Variants in SNX29 observed in about 807,000 individuals in gnomAD.
SNX29 encodes the protein sorting nexin 29.
SNX29 carries 78 observed loss-of-function variants against 102.1 expected under a neutral mutation model. The observed-to-expected ratio is 0.76, with a 90% CI of 0.64 to 0.92. The LOEUF (loss-of-function observed/expected upper bound fraction) is 0.92, where lower values mean the gene tolerates loss of function less well. Ranked by LOEUF, SNX29 falls within the 40% of genes least tolerant of loss-of-function variation. The pLI, the probability that SNX29 is intolerant of heterozygous loss-of-function variation, is 0.00. For synonymous variants in SNX29, 580 were observed against 414.5 expected, an observed-to-expected ratio of 1.40 and a Z score of -4.85; for missense variants, 1,280 against 1,061.7, an observed-to-expected ratio of 1.21 and a Z score of -2.86.
rs569788235 is a variant in SNX29, at chr16:12,196,317, C to G, written c.1596-3284C>G. Among the ~76,000 whole-genome samples, 46 of 152,254 alleles carry G rather than the reference C, an allele frequency of 3.0e-4. 2 individuals are homozygous for G. The South Asian group carries it at 9.3e-3, about 31-fold the overall frequency. ...GTAAGAAAAATGGCAGCAATAATAACCTGTTTTGTAGGGTTACTGTGTAGA... is the reference window on the plus strand; with the variant it reads ...GTAAGAAAAATGGCAGCAATAATAAGCTGTTTTGTAGGGTTACTGTGTAGA... On this transcript the variant is annotated intron_variant, in intron 13 of 20. Transcript: ENST00000566228.
At chr16:12,403,625 A>G (rs2151513840) in intron 18 of SNX29, 96 bp downstream of exon 18, 9 of 1,195,020 alleles carry the variant, frequency 7.5e-6, no homozygotes, top group Non-Finnish European at 1.1e-5. Context: ...GTGGGGCGCT[A>G]TGATTAGGAG....
intron 9 of SNX29, among the ~76,000 whole-genome samples, chr16:12,065,782 A>C (rs1260188862): frequency 6.6e-6 from 1 of 152,094 alleles, no homozygotes; most frequent in African/African-American, 2.4e-5. Context: ...CAGTCTTCCC[A>C]CTGGATCACT....
intron 20 of SNX29, among the ~76,000 whole-genome samples, chr16:12,534,256 C>T (rs1396681605): frequency 2.6e-5 from 4 of 152,226 alleles, no homozygotes; most frequent in Non-Finnish European, 5.9e-5. Flanking sequence ...GCTCAGTGCC[C>T]AAGCACCGCC....
At chr16:12,321,909 G>A (rs1277480149) in intron 15 of SNX29, among the ~76,000 whole-genome samples, 1 of 152,186 alleles carries the variant, frequency 6.6e-6, no homozygotes, top group East Asian at 1.9e-4. Context: ...CAGCGTGGAT[G>A]AGCTTTGGGA....
Position 12,402,944 on chromosome 16 carries a change from G to A in SNX29, c.1956-504G>A, listed in dbSNP as rs76017500. ...CCATGAGTGTTGGTCTCCTGAGCTC[G>A]TTTGTGGAGTCTGATCTTAAAATGG... On this transcript the variant is annotated intron_variant, in intron 17 of 20. Transcript: ENST00000566228. Among the ~76,000 whole-genome samples the A allele has an allele frequency of 6.1e-3, 934 of 152,222 alleles. 7 individuals carry two copies. Among genetic ancestry groups the A allele is most frequent in the Non-Finnish European group, 8.3e-3 (566 of 68,030 alleles).
At chr16:12,177,270 G>C (rs2076281632) in intron 13 of SNX29, among the ~76,000 whole-genome samples, 1 of 152,134 alleles carries the variant, frequency 6.6e-6, no homozygotes, top group South Asian at 2.1e-4. Context: ...GTTTTTCTCT[G>C]TTTTACTTCT....
At chr16:12,041,849 G>A (rs188809668) in intron 4 of SNX29, among the ~76,000 whole-genome samples, 45 of 152,276 alleles carry the variant, frequency 3.0e-4, no homozygotes, top group African/African-American at 8.9e-4. Context: ...AGCTTAGGAC[G>A]TCGATATGTT....
intron 16 of SNX29, among the ~76,000 whole-genome samples, chr16:12,394,272 G>A (rs1218449088): frequency 6.6e-6 from 1 of 152,066 alleles, no homozygotes; most frequent in Non-Finnish European, 1.5e-5. Context: ...ATGAATTTGG[G>A]TTACTTGATC....
intron 8 of SNX29, 85 bp from the exon 9 acceptor site, chr16:12,061,443 A>T: frequency 8.7e-7 from 1 of 1,144,616 alleles, no homozygotes; most frequent in Non-Finnish European, 1.3e-6. Flanking sequence ...GTTAGTTCTC[A>T]GGAGGGTGCT....
chr16:12,013,881 G>C (rs2056761362), intron 3 of SNX29, among the ~76,000 whole-genome samples: 1 of 151,684 alleles, frequency 6.6e-6, no homozygotes, highest in South Asian at 2.1e-4. Flanking sequence ...GAACTCCTGA[G>C]CTCAGGCAAT....
chr16:12,498,890 A>G (rs1168336794), intron 19 of SNX29, among the ~76,000 whole-genome samples: 1 of 152,196 alleles, frequency 6.6e-6, no homozygotes, highest in African/African-American at 2.4e-5. Context: ...TAGGTTTTTC[A>G]GAAGCTAGCA....
At chr16:12,004,784 T>A (rs1252233399) in intron 3 of SNX29, among the ~76,000 whole-genome samples, 1 of 152,234 alleles carries the variant, frequency 6.6e-6, no homozygotes, top group East Asian at 1.9e-4. Flanking sequence ...TGGCACAGAT[T>A]TAAAATGATG....
chr16:12,401,906 AAGAG>A (rs895839043), intron 17 of SNX29, among the ~76,000 whole-genome samples: 1 of 152,220 alleles, frequency 6.6e-6, no homozygotes, highest in African/African-American at 2.4e-5. Context: ...AATGCACTGA[AAGAG>A]AGAACCATTT....
chr16:12,532,319 G>T (rs929649910), intron 20 of SNX29, among the ~76,000 whole-genome samples: 5 of 152,334 alleles, frequency 3.3e-5, no homozygotes, highest in African/African-American at 1.2e-4. Context: ...ACTCTGTAGC[G>T]TCATGAGCCT....
chr16:12,180,966 G>A (rs1409614425), intron 13 of SNX29, among the ~76,000 whole-genome samples: 2 of 152,076 alleles, frequency 1.3e-5, no homozygotes, highest in Non-Finnish European at 2.9e-5. Flanking sequence ...CTTCTCTAAT[G>A]TCTCGCTCCT....
At chr16:12,154,506 T>A (rs575878148) in intron 13 of SNX29, among the ~76,000 whole-genome samples, 241 of 152,264 alleles carry the variant, frequency 1.6e-3, no homozygotes, top group Middle Eastern at 6.8e-3. Context: ...CTGTCGCCCC[T>A]ATTAGACTCA....
rs996151718 is a variant in SNX29, at chr16:12,573,885, C to T, written c.*5256C>T. The T allele has an allele frequency of 1.2e-4, 25 of 206,976 alleles. No individual in the cohort carries two copies. The highest frequency in any genetic ancestry group is 8.0e-4 in the East Asian group (11 of 13,716). 12.8% of individuals were successfully genotyped at this position (206,976 alleles called of 1,614,324 possible). ...GGCCTCTCTTCATCCCTGGCTTAGCCGTCAGGTAGAACGCTTACTCACCTG... is the reference window on the plus strand; with the variant it reads ...GGCCTCTCTTCATCCCTGGCTTAGCTGTCAGGTAGAACGCTTACTCACCTG... On this transcript the variant is annotated 3_prime_UTR_variant, in exon 21 of 21. Transcript: ENST00000566228.
At chr16:12,183,081 C>T (rs2076427817) in intron 13 of SNX29, among the ~76,000 whole-genome samples, 1 of 152,068 alleles carries the variant, frequency 6.6e-6, no homozygotes, top group South Asian at 2.1e-4. Flanking sequence ...CTCACTGCAG[C>T]TGCAGCCTCC....
chr16:12,383,527 C>G (rs1427646788), intron 16 of SNX29, among the ~76,000 whole-genome samples: 1 of 151,970 alleles, frequency 6.6e-6, no homozygotes, highest in South Asian at 2.1e-4. Context: ...ACCTCTGCCT[C>G]CTGGGTTCAA....
Sources: gnomAD v4.1 joint callset for allele counts (sites outside exome capture counted in the v4.1 genomes callset) on GRCh38, gnomAD v4.1.1 for gene constraint, MANE v1.5 for transcripts, NCBI Gene and HGNC (gene_info 2026-07-23, HGNC 2026-07-21) for gene names.